Variants in RGS20 observed in about 807,000 individuals in gnomAD.
The protein encoded by RGS20 is regulator of G protein signaling 20, also known as gz-selective GTPase-activating protein.
A neutral mutation model predicts 33.6 loss-of-function variants in RGS20; 30 were observed. The ratio of observed to expected loss-of-function variants is 0.89; its 90% CI spans 0.67 to 1.21. The LOEUF is 1.21. Among genes scored for constraint, RGS20 ranks in the 50% most tolerant of loss-of-function variants. The pLI, the probability that RGS20 is intolerant of heterozygous loss-of-function variation, is 0.00. For synonymous variants in RGS20, 208 were observed against 197.9 expected, an observed-to-expected ratio of 1.05 and a Z score of -0.43; for missense variants, 472 against 502.4, an observed-to-expected ratio of 0.94 and a Z score of 0.58.
At chr8:53,942,094 A>G (rs1814314603) in intron 3 of RGS20, among the ~76,000 whole-genome samples, 1 of 152,000 alleles carries the variant, frequency 6.6e-6, no homozygotes, top group Non-Finnish European at 1.5e-5. Context: ...ACCAACATGG[A>G]GAAAACTCGT....
intron 4 of RGS20, 49 bp from the exon 4 acceptor site, chr8:53,954,027 C>T: frequency 8.2e-7 from 1 of 1,224,570 alleles, no homozygotes; most frequent in Non-Finnish European, 1.2e-6. Context: ...TTCCAATTAA[C>T]TACCACTAAC....
intron 1 of RGS20, among the ~76,000 whole-genome samples, chr8:53,874,367 G>GT (rs1812145290): frequency 6.8e-6 from 1 of 146,484 alleles, no homozygotes; most frequent in Non-Finnish European, 1.5e-5. Context: ...AGCAATAAGG[G>GT]GTGTGTGTGT....
At chr8:53,946,363 C>CT (rs1281581565) in intron 3 of RGS20, among the ~76,000 whole-genome samples, 6 of 152,082 alleles carry the variant, frequency 3.9e-5, no homozygotes, top group Non-Finnish European at 7.4e-5. Flanking sequence ...GCGCCGAACC[C>CT]TTTTTTACTA....
intron 1 of RGS20, among the ~76,000 whole-genome samples, chr8:53,868,125 C>CAA (rs1249095743): frequency 6.6e-6 from 1 of 152,184 alleles, no homozygotes; most frequent in African/African-American, 2.4e-5. Flanking sequence ...CTACAGAGTT[C>CAA]AAGTCAGTAA....
chr8:53,952,148 GCTCA>G (rs1814726112), intron 4 of RGS20, among the ~76,000 whole-genome samples: 1 of 137,596 alleles, frequency 7.3e-6, no homozygotes, highest in South Asian at 2.8e-4. Context: ...TGCAATCTCG[GCTCA>G]CTGCAACATC....
At chr8:53,913,498 G>A (rs767041222) in intron 2 of RGS20, 1 of 152,118 alleles carries the variant, frequency 6.6e-6, no homozygotes, top group Non-Finnish European at 1.5e-5. Flanking sequence ...TGGAAACAGG[G>A]TCTTTGCATG....
intron 1 of RGS20, among the ~76,000 whole-genome samples, chr8:53,873,655 AGCACTTTTC>A (rs1209459875): frequency 2.0e-5 from 3 of 152,230 alleles, no homozygotes; most frequent in African/African-American, 7.2e-5. Flanking sequence ...TATCCACCCA[AGCACTTTTC>A]TAGATTCTAT....
intron 2 of RGS20, among the ~76,000 whole-genome samples, chr8:53,927,914 T>C (rs1398307871): frequency 1.3e-5 from 2 of 152,202 alleles, no homozygotes; most frequent in African/African-American, 4.8e-5. Context: ...ATCTTGTAAA[T>C]AGGTAGCATT....
At chr8:53,878,923 A>C (rs1042137524) in intron 1 of RGS20, among the ~76,000 whole-genome samples, 2 of 152,160 alleles carry the variant, frequency 1.3e-5, no homozygotes, top group African/African-American at 4.8e-5. Flanking sequence ...TGCATACCGC[A>C]TGTCACATTC....
In RGS20 at chr8:53,883,161, T is replaced by C. The variant is rs200661227; in HGVS notation, c.510+3559T>C. Among the ~76,000 whole-genome samples, 25 of 131,592 alleles carry C rather than the reference T, an allele frequency of 1.9e-4. 1 individual carries two copies. The highest frequency in any genetic ancestry group is 7.3e-3 in the Middle Eastern group (2 of 274). The allele number at this position is 131,592 out of a possible 152,430, so 86.3% of individuals were successfully genotyped here. On this transcript the variant is annotated intron_variant, in intron 2 of 5. Transcript: ENST00000297313. The stretch of plus-strand genomic sequence containing the variant: ...CGTTAAGTGACATCTTTCTTTCTTT[T>C]TTTTTTTTCTTTGAGACTGAGTTTC...
In RGS20 at chr8:53,889,723, C is replaced by CTGTG. The variant is rs66766851; in HGVS notation, c.510+10152_510+10155dup. Among the ~76,000 whole-genome samples, 473 of 146,096 alleles carry CTGTG rather than the reference C, an allele frequency of 3.2e-3. 7 individuals carry two copies. The highest frequency in any genetic ancestry group is 0.01 in the African/African-American group (417 of 39,912). The stretch of plus-strand genomic sequence containing the variant: ...TGGATACAAGCCATCTGTCAAAATT[C>CTGTG]TGTGTGTGTGTGTGTGTGTGTGTGT... On this transcript the variant is annotated intron_variant, in intron 2 of 5. Coordinates refer to ENST00000297313, the MANE Select transcript of RGS20 (RefSeq NM_170587.4).
At chr8:53,866,825 G>A (rs953162989) in intron 1 of RGS20, among the ~76,000 whole-genome samples, 1 of 152,158 alleles carries the variant, frequency 6.6e-6, no homozygotes, top group African/African-American at 2.4e-5. Flanking sequence ...TAACTGTGGG[G>A]ATGTTGAGAA....
At chr8:53,900,380 C>T (rs1812981477) in intron 2 of RGS20, among the ~76,000 whole-genome samples, 1 of 152,020 alleles carries the variant, frequency 6.6e-6, no homozygotes, top group African/African-American at 2.4e-5. Context: ...GGACTTAAGC[C>T]ATCCACCTGC....
chr8:53,924,511 G>C (rs1461879461), intron 2 of RGS20, among the ~76,000 whole-genome samples: 1 of 151,598 alleles, frequency 6.6e-6, no homozygotes, highest in Non-Finnish European at 1.5e-5. Context: ...TTTTTGTAGA[G>C]ATGGGGCTTA....
At chr8:53,905,648 C>G (rs2129282075) in intron 2 of RGS20, among the ~76,000 whole-genome samples, 1 of 152,194 alleles carries the variant, frequency 6.6e-6, no homozygotes, top group Non-Finnish European at 1.5e-5. Flanking sequence ...CATCTGGTGA[C>G]CCGGTGTTAC....
chr8:53,939,123 G>T (rs1814215048), intron 2 of RGS20, among the ~76,000 whole-genome samples: 1 of 152,194 alleles, frequency 6.6e-6, no homozygotes, highest in Non-Finnish European at 1.5e-5. Flanking sequence ...TGCTGTATTA[G>T]CTGGGCCGCC....
rs748517120 is a variant in RGS20 at position 53,946,556 on chromosome 8, A to G, written c.660-109A>G. 40 of 958,084 alleles carry G rather than the reference A, an allele frequency of 4.2e-5. No individual in the cohort carries two copies. The Middle Eastern group carries it at 6.5e-4, about 16-fold the overall frequency. 59.3% of individuals were successfully genotyped at this position (958,084 alleles called of 1,614,324 possible). A position where few individuals can be genotyped will look rare whatever the true frequency, so the allele number is the denominator to read the frequency against. Reference sequence around the variant, plus strand: ...GTCATTTTTTTTTCCAAGTAGAGGAAGAAATTCTATTAATACTTGGGGATC... The same window carrying G: ...GTCATTTTTTTTTCCAAGTAGAGGAGGAAATTCTATTAATACTTGGGGATC... On this transcript the variant is annotated intron_variant, in intron 3 of 5. Coordinates refer to ENST00000297313, the MANE Select transcript of RGS20 (RefSeq NM_170587.4).
intron 1 of RGS20, among the ~76,000 whole-genome samples, chr8:53,852,668 C>G (rs1165101546): frequency 6.6e-6 from 1 of 152,140 alleles, no homozygotes; most frequent in Non-Finnish European, 1.5e-5. Context: ...TGTAAATCCT[C>G]TTAGCTATTA....
intron 3 of RGS20, among the ~76,000 whole-genome samples, chr8:53,942,351 AGGAGGCTGAGGTG>A (rs903210781): frequency 2.6e-5 from 4 of 151,812 alleles, no homozygotes; most frequent in African/African-American, 9.7e-5. Context: ...CCAGCTACTC[AGGAGGCTGAGGTG>A]GGAGGATCGC....
Sources: gnomAD v4.1 joint callset for allele counts (sites outside exome capture counted in the v4.1 genomes callset) on GRCh38, gnomAD v4.1.1 for gene constraint, MANE v1.5 for transcripts, NCBI Gene and HGNC (gene_info 2026-07-23, HGNC 2026-07-21) for gene names.